Variants in LY75 observed in about 807,000 individuals in gnomAD.
LY75 encodes the protein lymphocyte antigen 75.
Under a neutral mutation model 231.7 loss-of-function variants are expected in LY75, and 185 were observed. The observed-to-expected ratio is 0.80, with a 90% CI of 0.71 to 0.90. LY75 has a LOEUF of 0.90. LY75 is among the 40% of genes least tolerant of loss of function. The pLI is 0.00. For missense variants in LY75, 1,947 were observed against 2,050.2 expected, an observed-to-expected ratio of 0.95 and a Z score of 0.97; for synonymous variants, 668 against 689.0, an observed-to-expected ratio of 0.97 and a Z score of 0.48.
At chr2:159,822,340 G>C (rs978509053) in intron 28 of LY75, among the ~76,000 whole-genome samples, 1 of 152,238 alleles carries the variant, frequency 6.6e-6, no homozygotes, top group African/African-American at 2.4e-5. Context: ...TGGGACGCTA[G>C]AGCTTGGTCG....
intron 16 of LY75, among the ~76,000 whole-genome samples, chr2:159,857,244 G>A (rs1684574745): frequency 1.3e-5 from 2 of 152,170 alleles, no homozygotes; most frequent in African/African-American, 2.4e-5. Context: ...ACTACCTGAT[G>A]TCACATCTGA....
At chr2:159,877,075 C>CATAA (rs1685300353) in intron 11 of LY75, among the ~76,000 whole-genome samples, 2 of 150,248 alleles carry the variant, frequency 1.3e-5, no homozygotes, top group South Asian at 4.2e-4. Context: ...GTGCTTTATC[C>CATAA]ATTAGAGTGT....
At chr2:159,849,017 C>T (rs1354990898) in intron 23 of LY75, among the ~76,000 whole-genome samples, 2 of 152,056 alleles carry the variant, frequency 1.3e-5, no homozygotes. Flanking sequence ...ATAGATTATG[C>T]TTAAAAGTTT....
intron 28 of LY75, among the ~76,000 whole-genome samples, chr2:159,824,571 C>A (rs909014529): frequency 2.0e-5 from 3 of 152,162 alleles, no homozygotes; most frequent in Non-Finnish European, 2.9e-5. Context: ...AGAAAATTAA[C>A]AAGGATATTC....
chr2:159,834,325 C>A, intron 26 of LY75, 114 bp from the exon 27 acceptor site: 1 of 1,327,736 alleles, frequency 7.5e-7, no homozygotes, highest in Non-Finnish European at 1.0e-6. Context: ...AAGTAATATC[C>A]TGGTGAAGCC....
intron 11 of LY75, 47 bp downstream of exon 11, chr2:159,878,277 T>C: frequency 3.2e-6 from 5 of 1,577,548 alleles, no homozygotes; most frequent in Non-Finnish European, 4.3e-6. Flanking sequence ...GAGTGCTGCC[T>C]TTCACTAGTC....
chr2:159,886,390 G>A (rs1381903568), intron 5 of LY75, 30 bp downstream of exon 5: 3 of 1,594,158 alleles, frequency 1.9e-6, no homozygotes, highest in East Asian at 2.2e-5. Flanking sequence ...GATTTGTTCT[G>A]TGCAGAGGGG....
At chr2:159,853,017 G>T (rs1684449446) in intron 20 of LY75, among the ~76,000 whole-genome samples, 1 of 152,138 alleles carries the variant, frequency 6.6e-6, no homozygotes, top group South Asian at 2.1e-4. Context: ...TTGAAAATTT[G>T]CTTAGACACT....
At position 159,831,666 on chromosome 2, in the gene LY75, T is replaced by A. The variant is rs1453373947; in HGVS notation, c.3958+4A>T. ...TAGAGAAAGTTGGCAGATTTACAAC[T>A]TACTTCTATAAGTTATTCCTAACAT... On this transcript the variant is annotated splice_donor_region_variant and intron_variant, in intron 28 of 34. Transcript: ENST00000263636. 7 of 1,607,018 alleles carry A rather than the reference T, an allele frequency of 4.4e-6. No individual in the cohort carries two copies. The South Asian group carries it at 7.9e-5, about 18-fold the overall frequency.
chr2:159,862,429 C>T (rs982038653), intron 14 of LY75, among the ~76,000 whole-genome samples: 1 of 152,006 alleles, frequency 6.6e-6, no homozygotes, highest in Admixed American at 6.6e-5. Context: ...CTGCACTTCA[C>T]CCTGGGTGGC....
Position 159,885,247 on chromosome 2 carries a change from C to A in LY75, c.960G>T (p.Met320Ile). ...PTIGGSSCAR[M>I]DAESGLWQSF... ...TCTGCCACAGACCAGACTCAGCATCCATTCTTGCACAGCTGGAGCCACCTA... is the reference window on the plus strand; with the variant it reads ...TCTGCCACAGACCAGACTCAGCATCAATTCTTGCACAGCTGGAGCCACCTA... The change falls in exon 6 of 35, where the codon ATG (methionine) becomes ATT (isoleucine). Residue 320 changes from methionine to isoleucine, a missense_variant. By Grantham distance (10) the Met-to-Ile change is conservative (BLOSUM62 1). Transcript: ENST00000263636. The A allele has an allele frequency of 1.2e-6, 2 of 1,613,672 alleles. No homozygotes were observed. Among genetic ancestry groups the A allele is most frequent in the Non-Finnish European group, 1.7e-6 (2 of 1,179,706 alleles).
intron 21 of LY75, 62 bp downstream of exon 21, chr2:159,852,139 A>G (rs1169668506): frequency 1.3e-6 from 2 of 1,587,902 alleles, no homozygotes; most frequent in Non-Finnish European, 1.7e-6. Context: ...CCATTCTGCC[A>G]TAGGCTATAA....
chr2:159,877,503 T>A (rs9789367), intron 11 of LY75, among the ~76,000 whole-genome samples: 1 of 152,086 alleles, frequency 6.6e-6, no homozygotes, highest in Non-Finnish European at 1.5e-5. Context: ...CCTTTCCGGC[T>A]TAAGTGTTCT....
At position 159,851,797 on chromosome 2, in the gene LY75, G is replaced by A. The variant is rs561882056; in HGVS notation, c.2883+404C>T. ...GTGTAGTCCCCAAAAAGTAGTTTGT[G>A]AAATGCTGGTCTAATTTGATTGGCA... is the stretch of plus-strand genomic sequence containing the variant. On this transcript the variant is annotated intron_variant, in intron 21 of 34. Coordinates refer to ENST00000263636, the MANE Select transcript of LY75 (RefSeq NM_002349.4). Among the ~76,000 whole-genome samples, 125 of 152,312 alleles carry A rather than the reference G, an allele frequency of 8.2e-4. 1 individual carries two copies. Among genetic ancestry groups the A allele is most frequent in the African/African-American group, 2.9e-3 (119 of 41,560 alleles).
chr2:159,879,649 T>C (rs936962521), intron 8 of LY75, among the ~76,000 whole-genome samples: 2 of 152,094 alleles, frequency 1.3e-5, no homozygotes, highest in East Asian at 3.9e-4. Flanking sequence ...AGTATAAAAG[T>C]TGAAGAGAGA....
intron 1 of LY75, 114 bp downstream of exon 1, chr2:159,904,475 A>G: frequency 8.3e-7 from 1 of 1,201,444 alleles, no homozygotes; most frequent in Middle Eastern, 2.8e-4. Context: ...CCGCCCCAAC[A>G]GCAAAGCAGC....
chr2:159,894,997 G>A, intron 2 of LY75, among the ~76,000 whole-genome samples: 1 of 152,198 alleles, frequency 6.6e-6, no homozygotes, highest in East Asian at 1.9e-4. Context: ...GTCATTAACA[G>A]ATCAAATAAT....
intron 12 of LY75, among the ~76,000 whole-genome samples, chr2:159,874,063 A>T (rs1160372695): frequency 7.6e-6 from 1 of 131,550 alleles, no homozygotes; most frequent in Non-Finnish European, 1.6e-5. Flanking sequence ...AAACGTATAT[A>T]TTTTGTAAAA....
chr2:159,862,199 G>C (rs1486946520), intron 14 of LY75, among the ~76,000 whole-genome samples: 1 of 151,380 alleles, frequency 6.6e-6, no homozygotes, highest in Non-Finnish European at 1.5e-5. Flanking sequence ...GGCTGAGGCA[G>C]GAGAATGGTG....
Sources: gnomAD v4.1 joint callset for allele counts (sites outside exome capture counted in the v4.1 genomes callset) on GRCh38, gnomAD v4.1.1 for gene constraint, MANE v1.5 for transcripts, NCBI Gene and HGNC (gene_info 2026-07-23, HGNC 2026-07-21) for gene names.